Variants in CIRSR observed in about 807,000 individuals in gnomAD.
CIRSR encodes corepressor of RBPJ and splicing regulator.
the CIRSR span, among the ~76,000 whole-genome samples, chr2:174,354,488 TTATATAAATTATATTA>T: frequency 0.19 from 15,203 of 78,488 alleles, 2,106 homozygotes; most frequent in East Asian, 0.61. Flanking sequence ...ATATATTATA[TTATATAAATTATATTA>T]TATATATCAT....
chr2:174,351,547 T>G, the CIRSR span: 1 of 1,261,204 alleles, frequency 7.9e-7, no homozygotes, highest in Non-Finnish European at 1.1e-6. Flanking sequence ...TGGAAAACAT[T>G]AAGTAGCAAT....
the CIRSR span, among the ~76,000 whole-genome samples, chr2:174,383,179 C>T: frequency 1.3e-5 from 2 of 152,148 alleles, no homozygotes; most frequent in South Asian, 4.1e-4. Context: ...ATTTATAGGT[C>T]ATGTCCAGAA....
the CIRSR span, among the ~76,000 whole-genome samples, chr2:174,373,919 T>C: frequency 6.6e-6 from 1 of 152,128 alleles, no homozygotes; most frequent in South Asian, 2.1e-4. Flanking sequence ...ATGGCATTAA[T>C]TTTGCTTACA....
the CIRSR span, chr2:174,348,951 G>A: frequency 3.1e-6 from 5 of 1,604,550 alleles, no homozygotes; most frequent in East Asian, 2.2e-5. Context: ...GTTATGCCCT[G>A]AACACTTGTT....
the CIRSR span, among the ~76,000 whole-genome samples, chr2:174,370,866 G>C: frequency 6.8e-6 from 1 of 146,588 alleles, no homozygotes; most frequent in African/African-American, 2.5e-5. Flanking sequence ...AGCCAAGATC[G>C]AGCCACTGCA....
the CIRSR span, among the ~76,000 whole-genome samples, chr2:174,372,723 C>G: frequency 6.6e-6 from 1 of 152,072 alleles, no homozygotes; most frequent in South Asian, 2.1e-4. Flanking sequence ...GCTGGGATTA[C>G]AGGCGCCACC....
the CIRSR span, among the ~76,000 whole-genome samples, chr2:174,392,957 T>A: frequency 6.6e-6 from 1 of 152,142 alleles, no homozygotes; most frequent in Non-Finnish European, 1.5e-5. Flanking sequence ...TGTGATTGCT[T>A]GGGGCAAGCA....
At chr2:174,367,039 A>G in the CIRSR span, among the ~76,000 whole-genome samples, 2 of 152,212 alleles carry the variant, frequency 1.3e-5, no homozygotes, top group Non-Finnish European at 2.9e-5. Context: ...CTAAGAGACA[A>G]AAAAAGGAAA....
At chr2:174,394,653 G>A in the CIRSR span, among the ~76,000 whole-genome samples, 14 of 152,146 alleles carry the variant, frequency 9.2e-5, no homozygotes, top group African/African-American at 3.4e-4. Context: ...GACTCCTTAG[G>A]AAGGTAACAG....
the CIRSR span, among the ~76,000 whole-genome samples, chr2:174,386,886 ATGTATT>A: frequency 6.6e-6 from 1 of 152,214 alleles, no homozygotes; most frequent in African/African-American, 2.4e-5. Flanking sequence ...CTTCAACTAT[ATGTATT>A]TGTATCTCTT....
the CIRSR span, among the ~76,000 whole-genome samples, chr2:174,387,040 T>C: frequency 6.6e-6 from 1 of 152,222 alleles, no homozygotes; most frequent in Non-Finnish European, 1.5e-5. Flanking sequence ...TTAACTTTTA[T>C]TTCTTTAACT....
At chr2:174,368,855 G>A in the CIRSR span, among the ~76,000 whole-genome samples, 2 of 152,310 alleles carry the variant, frequency 1.3e-5, no homozygotes, top group East Asian at 3.9e-4. Flanking sequence ...AAATCATGCT[G>A]TAAACAGATG....
the CIRSR span, chr2:174,395,641 G>A: frequency 6.2e-7 from 1 of 1,614,080 alleles, no homozygotes; most frequent in African/African-American, 1.3e-5. Context: ...TGGAACTAGG[G>A]AAAGCAGGGG....
chr2:174,389,473 T>C, the CIRSR span, among the ~76,000 whole-genome samples: 28,039 of 152,010 alleles, frequency 0.18, 2,844 homozygotes, highest in Non-Finnish European at 0.23. Context: ...ACTTAAGGTA[T>C]CCGGTAGAAG....
At chr2:174,368,638 T>C in the CIRSR span, among the ~76,000 whole-genome samples, 5 of 152,212 alleles carry the variant, frequency 3.3e-5, no homozygotes, top group African/African-American at 1.2e-4. Context: ...GAGCTATGAC[T>C]GTGCCATTGC....
chr2:174,380,856 A>G, the CIRSR span: 1 of 1,525,352 alleles, frequency 6.6e-7, no homozygotes, highest in South Asian at 1.2e-5. Flanking sequence ...AAGGTATGAC[A>G]AGTTAAAAAC....
the CIRSR span, among the ~76,000 whole-genome samples, chr2:174,366,221 G>A: frequency 6.6e-6 from 1 of 152,064 alleles, no homozygotes; most frequent in Admixed American, 6.5e-5. Context: ...AATTATGAAA[G>A]GTGTTACATG....
At chr2:174,376,124 G>A in the CIRSR span, among the ~76,000 whole-genome samples, 1 of 152,146 alleles carries the variant, frequency 6.6e-6, no homozygotes, top group Non-Finnish European at 1.5e-5. Flanking sequence ...GGCTTTCAAC[G>A]TGCTGGGATT....
the CIRSR span, chr2:174,351,933 T>C: frequency 1.7e-5 from 7 of 409,386 alleles, no homozygotes; most frequent in Non-Finnish European, 3.0e-5. Context: ...TTTCTTTACG[T>C]GCAAGGGGAG....
Sources: allele counts gnomAD v4.1 joint callset (sites outside exome capture counted in the v4.1 genomes callset), GRCh38; gene constraint gnomAD v4.1.1; transcripts MANE v1.5; gene names NCBI Gene and HGNC (gene_info 2026-07-23, HGNC 2026-07-21).